Variants in ZNF69 observed in about 807,000 individuals in gnomAD.
ZNF69 encodes ZNF3.
A neutral mutation model predicts 50.9 loss-of-function variants in ZNF69; 47 were observed. The observed-to-expected ratio is 0.92, with a 90% CI of 0.73 to 1.18. The LOEUF (loss-of-function observed/expected upper bound fraction) is 1.18, where lower values mean the gene tolerates loss of function less well. Among genes scored for constraint, ZNF69 ranks in the 50% most tolerant of loss-of-function variants. The pLI is 0.00. For synonymous variants in ZNF69, 216 were observed against 223.1 expected (o/e 0.97, Z 0.29); for missense variants, 717 against 675.1 (o/e 1.06, Z -0.69).
chr19:11,977,819 C>G, the ZNF69 span, among the ~76,000 whole-genome samples: 2 of 152,202 alleles, frequency 1.3e-5, no homozygotes, highest in African/African-American at 4.8e-5. Context: ...GATGATATCA[C>G]TGTACTCCAG....
At chr19:11,911,203 G>A (rs1823818169), downstream of ZNF69, among the ~76,000 whole-genome samples, 1 of 152,166 alleles carries the variant, frequency 6.6e-6, no homozygotes, top group African/African-American at 2.4e-5. Context: ...GGAGAAATAG[G>A]AACACTTTTA....
At chr19:11,949,529 C>T in the ZNF69 span, 1 of 1,606,262 alleles carries the variant, frequency 6.2e-7, no homozygotes, top group Non-Finnish European at 8.5e-7. Context: ...ATAAGAATGC[C>T]CTCTGGAGAA....
chr19:11,910,363 A>C (rs915889612), downstream of ZNF69, among the ~76,000 whole-genome samples: 3 of 152,206 alleles, frequency 2.0e-5, no homozygotes, highest in African/African-American at 7.2e-5. Context: ...CACATTGCCA[A>C]GACAATCCTA....
chr19:11,902,520 G>A, intron 1 of ZNF69, among the ~76,000 whole-genome samples: 1 of 151,646 alleles, frequency 6.6e-6, no homozygotes, highest in East Asian at 1.9e-4. Flanking sequence ...TGTCCCCTTT[G>A]CCCTGTCAGC....
chr19:11,896,242 A>G (rs968059197), intron 1 of ZNF69, among the ~76,000 whole-genome samples: 1 of 150,858 alleles, frequency 6.6e-6, no homozygotes, highest in African/African-American at 2.4e-5. Flanking sequence ...AAAAAAAAAA[A>G]AAGATTCCCT....
downstream of ZNF69, among the ~76,000 whole-genome samples, chr19:11,915,761 G>T (rs1481625409): frequency 6.6e-6 from 1 of 152,044 alleles, no homozygotes; most frequent in African/African-American, 2.4e-5. Flanking sequence ...AAAAGTAGCT[G>T]GGTGTAGTGG....
chr19:11,897,426 T>G (rs1002500934), intron 1 of ZNF69, among the ~76,000 whole-genome samples: 18 of 152,042 alleles, frequency 1.2e-4, no homozygotes, highest in Admixed American at 6.6e-4. Flanking sequence ...ATACAAAAAA[T>G]TACCTCGTCA....
At chr19:11,915,765 G>A (rs906268323), downstream of ZNF69, among the ~76,000 whole-genome samples, 2 of 152,222 alleles carry the variant, frequency 1.3e-5, no homozygotes, top group African/African-American at 4.8e-5. Context: ...GTAGCTGGGT[G>A]TAGTGGCTCA....
the ZNF69 span, among the ~76,000 whole-genome samples, chr19:11,973,616 C>T: frequency 2.0e-5 from 3 of 152,266 alleles, no homozygotes; most frequent in African/African-American, 7.2e-5. Flanking sequence ...GGTGTGATGC[C>T]TCATCCCTGA....
At chr19:11,908,419 G>T (rs537984135), downstream of ZNF69, among the ~76,000 whole-genome samples, 1 of 152,288 alleles carries the variant, frequency 6.6e-6, no homozygotes, top group South Asian at 2.1e-4. Flanking sequence ...CACATAGTTG[G>T]AAGTAAAGCA....
At chr19:11,977,594 C>T in the ZNF69 span, among the ~76,000 whole-genome samples, 2 of 152,212 alleles carry the variant, frequency 1.3e-5, no homozygotes, top group East Asian at 1.9e-4. Context: ...TCTGAGGGCT[C>T]ACTCCTGTAA....
chr19:11,978,842 C>T, the ZNF69 span: 7 of 1,614,092 alleles, frequency 4.3e-6, no homozygotes, highest in Non-Finnish European at 5.1e-6. Flanking sequence ...AAAGAACTCA[C>T]ACTGGGGAGA....
chr19:11,949,679 G>C, the ZNF69 span: 2 of 1,612,464 alleles, frequency 1.2e-6, no homozygotes, highest in Admixed American at 3.3e-5. Flanking sequence ...AATTCCCTTC[G>C]ATATCATGAA....
At chr19:11,970,906 G>C in the ZNF69 span, among the ~76,000 whole-genome samples, 6 of 152,090 alleles carry the variant, frequency 3.9e-5, no homozygotes, top group Admixed American at 3.9e-4. Context: ...CCTCCAGCCT[G>C]GGCAAGGAGA....
chr19:11,922,739 C>T, the ZNF69 span, among the ~76,000 whole-genome samples: 1 of 152,118 alleles, frequency 6.6e-6, no homozygotes, highest in African/African-American at 2.4e-5. Context: ...TAAGGAAATA[C>T]CACCTGCTGT....
chr19:11,969,200 G>T, the ZNF69 span, among the ~76,000 whole-genome samples: 1 of 152,190 alleles, frequency 6.6e-6, no homozygotes, highest in Admixed American at 6.5e-5. Context: ...TGCCTTCTGG[G>T]TTCAAGTAAT....
At chr19:11,950,255 C>G in the ZNF69 span, 8 of 1,605,106 alleles carry the variant, frequency 5.0e-6, no homozygotes, top group Admixed American at 1.8e-5. Context: ...TTCAGCTAGC[C>G]TGGTTCCTTT....
the ZNF69 span, among the ~76,000 whole-genome samples, chr19:11,974,102 TTTCTTTCTTTCTTTCTTTCTTTCTTTTC>T: frequency 1.0e-5 from 1 of 97,224 alleles, no homozygotes; most frequent in Non-Finnish European, 2.1e-5. Flanking sequence ...TCTTTCTTTC[TTTCTTTCTTTCTTTCTTTCTTTCTTTTC>T]TTTCTTTCTT....
At chr19:11,954,241 A>G in the ZNF69 span, among the ~76,000 whole-genome samples, 13 of 152,300 alleles carry the variant, frequency 8.5e-5, no homozygotes, top group East Asian at 2.5e-3. Context: ...CCCAGGTTTG[A>G]TGGGTAAGTC....
Sources: gnomAD v4.1 joint callset for allele counts (sites outside exome capture counted in the v4.1 genomes callset) on GRCh38, gnomAD v4.1.1 for gene constraint, MANE v1.5 for transcripts, NCBI Gene and HGNC (gene_info 2026-07-23, HGNC 2026-07-21) for gene names.